The following LRRC43 variants were observed in gnomAD, a reference collection of about 807,000 sequenced individuals.
LRRC43 encodes the protein leucine rich repeat containing 43, also known as leucine-rich repeat-containing protein 43.
Under a neutral mutation model 64.3 loss-of-function variants are expected in LRRC43, and 62 were observed. That is an observed-to-expected ratio of 0.96 (90% CI 0.79 to 1.19). The LOEUF (loss-of-function observed/expected upper bound fraction) is 1.19. LRRC43 is among the 50% of genes most tolerant of loss of function. The probability of loss-of-function intolerance (pLI) is 0.00; values close to 1 mark genes in which losing one functional copy is unlikely to be tolerated. For missense variants in LRRC43, 868 were observed against 845.0 expected (o/e 1.03, Z -0.34); for synonymous variants, 422 against 382.3 (o/e 1.10, Z -1.21).
At chr12:122,169,624 T>G (rs566848596) in intron 1 of LRRC43, among the ~76,000 whole-genome samples, 27 of 138,908 alleles carry the variant, frequency 1.9e-4, no homozygotes, top group African/African-American at 5.5e-4. Flanking sequence ...GCTGAGGCAG[T>G]GGAATGGCGT....
intron 1 of LRRC43, among the ~76,000 whole-genome samples, chr12:122,176,018 C>T (rs1381703035): frequency 6.6e-6 from 1 of 152,136 alleles, no homozygotes; most frequent in African/African-American, 2.4e-5. Flanking sequence ...TATAGGGTAT[C>T]GGGAATAGCG....
At chr12:122,176,816 G>A (rs943172886) in intron 1 of LRRC43, among the ~76,000 whole-genome samples, 51 of 151,880 alleles carry the variant, frequency 3.4e-4, no homozygotes, top group African/African-American at 1.2e-3. Flanking sequence ...CACCATGCCT[G>A]GCTAATTCTT....
Position 122,184,383 on chromosome 12 carries a change from C to G in LRRC43, c.151-136C>G. On this transcript the variant is annotated intron_variant, in intron 1 of 11. Transcript: ENST00000339777. This position sits in a 1 kb window ranked among gnomAD's most constrained non-coding sequence, Gnocchi z 4.0. ...TGCTGGGATTACAGGCATGAGCCAC[C>G]GCACCTGGCCTACTCTCTAGATTTC... The G allele has an allele frequency of 8.7e-7, 1 of 1,142,972 alleles. No individual in the cohort carries two copies. The highest frequency in any genetic ancestry group is 2.6e-5 in the East Asian group (1 of 38,478). 70.8% of individuals were successfully genotyped at this position (1,142,972 alleles called of 1,614,324 possible).
rs184682129 is a variant in LRRC43, at chr12:122,201,395, G to A, written c.1843+66G>A. On this transcript the variant is annotated intron_variant, in intron 11 of 11. Coordinates refer to ENST00000339777, the MANE Select transcript of LRRC43 (RefSeq NM_001098519.2). ...GAGGACCTGCTGAGGGCCAGCCCTG[G>A]GGGAGGCCAAAGGAACCAAAGGGTG... The A allele has an allele frequency of 1.1e-5, 16 of 1,508,288 alleles. No individual in the cohort carries two copies. In the African/African-American group the frequency reaches 1.9e-4, roughly 18 times the overall value. The allele number at this position is 1,508,288 out of a possible 1,614,324, so 93.4% of individuals were successfully genotyped here.
chr12:122,173,982 C>T (rs758045919), intron 1 of LRRC43: 19 of 1,614,004 alleles, frequency 1.2e-5, no homozygotes, highest in Admixed American at 5.0e-5. Flanking sequence ...AGAGCACAGA[C>T]GTCGAGGGGC....
chr12:122,194,885 A>G (rs1193090112), intron 7 of LRRC43, among the ~76,000 whole-genome samples: 1 of 152,156 alleles, frequency 6.6e-6, no homozygotes, highest in East Asian at 1.9e-4. Flanking sequence ...AATTTTATAG[A>G]TGTTGTCTTA....
In LRRC43 at chr12:122,192,920, C is replaced by T; in HGVS notation, c.1265C>T (p.Thr422Ile). The T allele has an allele frequency of 6.2e-7, 1 of 1,613,892 alleles. No individual in the cohort carries two copies. ...CTGTCTGTCATCTCGGGGCCTTCGA[C>T]CATCTTGCAGATGCCGAGGGCCTCT... The part of the protein sequence containing the change: ...SELSVISGPS[T>I]ILQMPRASAE... The change falls in exon 7 of 12, where the codon ACC (threonine) becomes ATC (isoleucine). Residue 422 changes from threonine (T) to isoleucine (I), a missense_variant. Transcript: ENST00000339777.
At chr12:122,196,581 A>G (rs1356277874) in intron 7 of LRRC43, among the ~76,000 whole-genome samples, 2 of 152,004 alleles carry the variant, frequency 1.3e-5, no homozygotes, top group Non-Finnish European at 2.9e-5. Context: ...CAGTCTGGCC[A>G]ACATGGTGAA....
intron 7 of LRRC43, among the ~76,000 whole-genome samples, chr12:122,193,396 A>G (rs1334901463): frequency 1.3e-5 from 2 of 150,080 alleles, no homozygotes; most frequent in African/African-American, 2.4e-5. Context: ...AAAAAAAAAA[A>G]AAAAAAAAAA....
In LRRC43 at chr12:122,200,792, G is replaced by A. The variant is rs754963252; in HGVS notation, c.1667G>A (p.Arg556Gln). Residue 556 changes from arginine to glutamine, a missense_variant, in exon 10 of 12, where the codon CGG becomes CAG. Arg to Gln is a conservative substitution (Grantham distance 43). Coordinates refer to ENST00000339777, the MANE Select transcript of LRRC43 (RefSeq NM_001098519.2). This position sits in a 1 kb window ranked among gnomAD's most constrained non-coding sequence, Gnocchi z 4.6. ...AAGAAAGAGCCGCCCAAGGAGCTCCGGCAGGACCCCCCCATCCTCCAGGTG... is the reference window on the plus strand; with the variant it reads ...AAGAAAGAGCCGCCCAAGGAGCTCCAGCAGGACCCCCCCATCCTCCAGGTG... ...KKKKEPPKEL[R>Q]QDPPILQVLG... 2.4e-5 allele frequency: 39 copies of A among 1,612,778 alleles called. No homozygotes were observed. Among genetic ancestry groups the A allele is most frequent in the South Asian group, 2.0e-4 (18 of 91,072 alleles).
Position 122,200,588 on chromosome 12 carries a change from A to G in LRRC43, c.1548A>G (p.Lys516=). 1 of 1,535,178 alleles carries G rather than the reference A, an allele frequency of 6.5e-7. No homozygotes were observed. The highest frequency in any genetic ancestry group is 9.0e-7 in the Non-Finnish European group (1 of 1,108,560). ...PAVDSPLSAK[K]GKGEKDKKGK... ...TTGACAGTCCCCTGTCTGCCAAGAAAGGAAAGGGGGAGAAAGACAAGAAAG... is the reference window on the plus strand; with the variant it reads ...TTGACAGTCCCCTGTCTGCCAAGAAGGGAAAGGGGGAGAAAGACAAGAAAG... The change falls in exon 9 of 12, where the codon AAA becomes AAG. Residue 516 remains lysine (K), a synonymous_variant. Coordinates refer to ENST00000339777, the MANE Select transcript of LRRC43 (RefSeq NM_001098519.2). The surrounding 1 kb of genome is among the most constrained non-coding windows in gnomAD (Gnocchi z 4.6).
chr12:122,202,173 A>G (rs1332722839), intron 11 of LRRC43: 2 of 151,654 alleles, frequency 1.3e-5, no homozygotes, highest in East Asian at 3.9e-4. Flanking sequence ...GATTTGTGAT[A>G]CTTATCTGTG....
At chr12:122,194,663 G>A (rs957517455) in intron 7 of LRRC43, among the ~76,000 whole-genome samples, 1 of 151,608 alleles carries the variant, frequency 6.6e-6, no homozygotes, top group Non-Finnish European at 1.5e-5. Flanking sequence ...TTGTGGTGGG[G>A]TCTCTCGATG....
At chr12:122,201,062 T>A in intron 10 of LRRC43, 128 bp downstream of exon 10, 1 of 1,234,702 alleles carries the variant, frequency 8.1e-7, no homozygotes, top group Non-Finnish European at 1.1e-6. Context: ...GGCCTTTCCC[T>A]GGGGCATGCA....
At chr12:122,178,731 A>G (rs942286350), upstream of LRRC43, among the ~76,000 whole-genome samples, 12 of 151,696 alleles carry the variant, frequency 7.9e-5, no homozygotes, top group African/African-American at 2.9e-4. Context: ...AGCCGGGATT[A>G]CAGGCGTGAG....
chr12:122,174,259 G>A, intron 1 of LRRC43: 1 of 1,501,276 alleles, frequency 6.7e-7, no homozygotes, highest in Non-Finnish European at 9.2e-7. Context: ...TAAAGGGCCA[G>A]GGTGAGGAGA....
In LRRC43 at chr12:122,200,896, G is replaced by T. The variant is rs767582329; in HGVS notation, c.1771G>T (p.Val591Phe). The change falls in exon 10 of 12, where the codon GTC becomes TTC. Residue 591 changes from valine to phenylalanine, a missense_variant. Physicochemically the swap from Val to Phe is conservative, Grantham distance 50 (BLOSUM62 -1). Coordinates refer to ENST00000339777, the MANE Select transcript of LRRC43 (RefSeq NM_001098519.2). This position sits in a 1 kb window ranked among gnomAD's most constrained non-coding sequence, Gnocchi z 4.6. The part of the protein sequence containing the change: ...LVSTVCNFGV[V>F]RTLTSDRLTL... ...GTCCACCGTGTGCAACTTCGGCGTGGTCCGCACATTGACATCTGACAGGCT... is the reference window on the plus strand; with the variant it reads ...GTCCACCGTGTGCAACTTCGGCGTGTTCCGCACATTGACATCTGACAGGCT... 11 of 1,611,216 alleles carry T rather than the reference G, an allele frequency of 6.8e-6. No individual in the cohort carries two copies. Among genetic ancestry groups the T allele is most frequent in the Admixed American group, 1.7e-5 (1 of 59,708 alleles).
chr12:122,183,190 G>GGGCCTGGGACTCAGC lies in LRRC43; in HGVS notation c.51_65dup (p.Gln20_Thr24dup), dbSNP rs1162924010. On this transcript the variant is annotated inframe_insertion, in exon 1 of 12. Transcript: ENST00000339777. The stretch of plus-strand genomic sequence containing the variant: ...CGAGTCCGAGTCCGAGTCTGAGGCC[G>GGGCCTGGGACTCAGC]GGCCTGGGACTCAGCGGCCCGGGAC... The GGGCCTGGGACTCAGC allele has an allele frequency of 5.1e-6, 8 of 1,561,600 alleles. No individual in the cohort carries two copies. In the African/African-American group the frequency reaches 1.1e-4, roughly 22 times the overall value.
chr12:122,195,557 A>C (rs1255594195), intron 7 of LRRC43, among the ~76,000 whole-genome samples: 1 of 152,116 alleles, frequency 6.6e-6, no homozygotes, highest in Non-Finnish European at 1.5e-5. Flanking sequence ...AGAACTTTGA[A>C]TATGTCGCCA....
Sources: gnomAD v4.1 joint callset for allele counts (sites outside exome capture counted in the v4.1 genomes callset) on GRCh38, gnomAD v4.1.1 for gene constraint, Gnocchi (gnomAD v3.1) non-coding constraint, MANE v1.5 for transcripts, NCBI Gene and HGNC (gene_info 2026-07-23, HGNC 2026-07-21) for gene names.